CREB5: variants seen among roughly 807,000 people sequenced by gnomAD.
The protein encoded by CREB5 is cAMP responsive element binding protein 5, also known as cyclic AMP-responsive element-binding protein 5.
A neutral mutation model predicts 57.1 loss-of-function variants in CREB5; 19 were observed. That is an observed-to-expected ratio of 0.33 (90% CI 0.23 to 0.49). The LOEUF is 0.49. Among genes scored for constraint, CREB5 ranks in the 20% least tolerant of loss-of-function variants. The probability of loss-of-function intolerance (pLI) is 0.99; values close to 1 mark genes in which losing one functional copy is unlikely to be tolerated. For missense variants in CREB5, 579 were observed against 671.6 expected, an observed-to-expected ratio of 0.86 and a Z score of 1.52; for synonymous variants, 238 against 238.3, an observed-to-expected ratio of 1.00 and a Z score of 0.01.
intron 1 of CREB5, among the ~76,000 whole-genome samples, chr7:28,345,143 C>T (rs1269874162): frequency 2.6e-5 from 4 of 152,204 alleles, no homozygotes; most frequent in Non-Finnish European, 5.9e-5. Context: ...AACTGGACTA[C>T]ACTTTAGACA....
At chr7:28,697,444 G>GAAA (rs1284891154) in intron 5 of CREB5, among the ~76,000 whole-genome samples, 2 of 151,990 alleles carry the variant, frequency 1.3e-5, no homozygotes, top group African/African-American at 4.8e-5. Context: ...TCCTCTTGTG[G>GAAA]AAAAGCCCAT....
intron 1 of CREB5, among the ~76,000 whole-genome samples, chr7:28,321,357 C>T (rs1270133615): frequency 6.6e-6 from 1 of 152,062 alleles, no homozygotes; most frequent in East Asian, 1.9e-4. Flanking sequence ...ATTTGTCGAG[C>T]ACAGGACAAA....
At chr7:28,759,487 G>A (rs192439143) in intron 7 of CREB5, among the ~76,000 whole-genome samples, 1 of 152,308 alleles carries the variant, frequency 6.6e-6, no homozygotes, top group East Asian at 1.9e-4. Flanking sequence ...TTTTACAGTA[G>A]ATATGTGCAG....
At chr7:28,470,179 A>AT (rs1002255321) in intron 1 of CREB5, among the ~76,000 whole-genome samples, 2 of 152,022 alleles carry the variant, frequency 1.3e-5, no homozygotes, top group Admixed American at 1.3e-4. Flanking sequence ...CATTCTAACT[A>AT]TTTTTTTGTA....
At chr7:28,452,267 G>A (rs952103056) in intron 1 of CREB5, among the ~76,000 whole-genome samples, 2 of 151,846 alleles carry the variant, frequency 1.3e-5, no homozygotes, top group African/African-American at 4.8e-5. Flanking sequence ...GTTTTCCAAT[G>A]AGTTTTATAG....
chr7:28,444,508 A>G (rs146554566), intron 1 of CREB5, among the ~76,000 whole-genome samples: 1 of 152,318 alleles, frequency 6.6e-6, no homozygotes, highest in Non-Finnish European at 1.5e-5. Context: ...ACAAAGTGAA[A>G]ATTAGCTGGT....
chr7:28,495,057 C>A, intron 3 of CREB5, 58 bp downstream of exon 3: 1 of 1,212,380 alleles, frequency 8.2e-7, no homozygotes, highest in Non-Finnish European at 1.1e-6. Flanking sequence ...ATGCGAGATA[C>A]TTGTTCTTCT....
At chr7:28,300,618 T>C (rs900634030) in intron 1 of CREB5, among the ~76,000 whole-genome samples, 3 of 152,206 alleles carry the variant, frequency 2.0e-5, no homozygotes, top group Admixed American at 1.3e-4. Context: ...ACATTTCCTG[T>C]TGCCAAAACG....
chr7:28,742,703 C>T (rs1804442512), intron 7 of CREB5, among the ~76,000 whole-genome samples: 1 of 152,176 alleles, frequency 6.6e-6, no homozygotes, highest in African/African-American at 2.4e-5. Flanking sequence ...ACATAAGTTA[C>T]TCACTAATCC....
At chr7:28,556,082 G>A (rs1158445562) in intron 4 of CREB5, among the ~76,000 whole-genome samples, 1 of 152,152 alleles carries the variant, frequency 6.6e-6, no homozygotes, top group Non-Finnish European at 1.5e-5. Context: ...TGCTTAGGGA[G>A]TCAACCCATA....
In CREB5 at chr7:28,559,446, C is replaced by T. The variant is rs529951560; in HGVS notation, c.292-10919C>T. Among the ~76,000 whole-genome samples the T allele has an allele frequency of 2.6e-5, 4 of 152,232 alleles. No individual in the cohort carries two copies. In the South Asian group the frequency reaches 6.2e-4, roughly 24 times the overall value. On this transcript the variant is annotated intron_variant, in intron 4 of 10. Transcript: ENST00000357727. ...TCTCCTGCCTCAGCCTCCTGAGTAG[C>T]GGGGATTACAGGCATGTGCCACCAC...
At chr7:28,421,885 A>G (rs1345408635) in intron 1 of CREB5, among the ~76,000 whole-genome samples, 1 of 145,000 alleles carries the variant, frequency 6.9e-6, no homozygotes, top group Non-Finnish European at 1.5e-5. Flanking sequence ...TGGTATATAT[A>G]TAAAATACCA....
At chr7:28,326,192 T>C (rs541376106) in intron 1 of CREB5, among the ~76,000 whole-genome samples, 22 of 150,924 alleles carry the variant, frequency 1.5e-4, no homozygotes, top group Non-Finnish European at 3.1e-4. Flanking sequence ...TATCTATCTA[T>C]CTATCTATCT....
At chr7:28,663,086 A>G (rs999558797) in intron 5 of CREB5, among the ~76,000 whole-genome samples, 1 of 151,144 alleles carries the variant, frequency 6.6e-6, no homozygotes, top group Non-Finnish European at 1.5e-5. Flanking sequence ...TGGAGGTTGC[A>G]GTGAGCCGAG....
At chr7:28,372,164 A>G (rs149462949) in intron 1 of CREB5, among the ~76,000 whole-genome samples, 4 of 152,308 alleles carry the variant, frequency 2.6e-5, no homozygotes, top group African/African-American at 9.6e-5. Flanking sequence ...CTCTGCCCTC[A>G]AGAAAGGCAG....
chr7:28,761,482 G>C (rs1583687492), intron 7 of CREB5, among the ~76,000 whole-genome samples: 1 of 152,110 alleles, frequency 6.6e-6, no homozygotes, highest in East Asian at 1.9e-4. Flanking sequence ...GTTTTCTGAG[G>C]GGGCAACTTT....
intron 4 of CREB5, among the ~76,000 whole-genome samples, chr7:28,527,350 A>G (rs566866167): frequency 7.9e-5 from 12 of 152,236 alleles, no homozygotes; most frequent in Middle Eastern, 3.4e-3. Context: ...TTGGAACAGT[A>G]CTCCTGAGAA....
intron 9 of CREB5, among the ~76,000 whole-genome samples, chr7:28,813,333 C>T (rs189250351): frequency 1.3e-5 from 2 of 152,294 alleles, no homozygotes; most frequent in East Asian, 3.9e-4. Flanking sequence ...CTCAGTAGAA[C>T]GTCTGTGTTC....
upstream of CREB5, chr7:28,410,664 C>T (rs113623425): frequency 4.6e-5 from 19 of 416,606 alleles, no homozygotes; most frequent in African/African-American, 2.5e-4. Context: ...TTGTATATTT[C>T]GTTGTCAGTC....
Sources: allele counts gnomAD v4.1 joint callset (sites outside exome capture counted in the v4.1 genomes callset), GRCh38; gene constraint gnomAD v4.1.1; transcripts MANE v1.5; gene names NCBI Gene and HGNC (gene_info 2026-07-23, HGNC 2026-07-21).